The following PTPRR variants were observed in gnomAD, a reference collection of about 807,000 sequenced individuals.
PTPRR encodes protein tyrosine phosphatase receptor type R.
Under a neutral mutation model 77.2 loss-of-function variants are expected in PTPRR, and 38 were observed. The ratio of observed to expected loss-of-function variants is 0.49; its 90% CI spans 0.38 to 0.65. The LOEUF (loss-of-function observed/expected upper bound fraction) is 0.65. Among genes scored for constraint, PTPRR ranks in the 30% least tolerant of loss-of-function variants. PTPRR has a pLI of 0.00. For synonymous variants in PTPRR, 299 were observed against 283.1 expected, an observed-to-expected ratio of 1.06 and a Z score of -0.57; for missense variants, 744 against 799.2, an observed-to-expected ratio of 0.93 and a Z score of 0.83.
At chr12:70,878,388 T>C (rs1419713799) in intron 2 of PTPRR, among the ~76,000 whole-genome samples, 1 of 151,786 alleles carries the variant, frequency 6.6e-6, no homozygotes, top group Admixed American at 6.6e-5. Context: ...TACAATGAAC[T>C]CAAACAAATT....
intron 2 of PTPRR, among the ~76,000 whole-genome samples, chr12:70,784,914 C>T (rs1395899715): frequency 1.3e-5 from 2 of 152,190 alleles, no homozygotes; most frequent in African/African-American, 2.4e-5. Context: ...TTACACTTGT[C>T]AAGGAGCTTT....
intron 2 of PTPRR, among the ~76,000 whole-genome samples, chr12:70,815,193 A>C (rs1351011916): frequency 1.3e-5 from 2 of 151,940 alleles, no homozygotes; most frequent in African/African-American, 4.8e-5. Flanking sequence ...TCTAGAATAA[A>C]AAATGCAGGG....
chr12:70,788,332 C>G (rs11178421), intron 2 of PTPRR, among the ~76,000 whole-genome samples: 9,497 of 152,246 alleles, frequency 0.062, 368 homozygotes, highest in Non-Finnish European at 0.084. Context: ...CACACAAACA[C>G]AGGGTATCCG....
intron 8 of PTPRR, among the ~76,000 whole-genome samples, chr12:70,691,390 C>A (rs1472751113): frequency 6.6e-6 from 1 of 152,098 alleles, no homozygotes. Context: ...GGCCTCTTTC[C>A]AATCTCCTGC....
At chr12:70,888,010 ATGTGTGTATG>A (rs1383548112) in intron 2 of PTPRR, among the ~76,000 whole-genome samples, 1 of 49,982 alleles carries the variant, frequency 2.0e-5, no homozygotes, top group Non-Finnish European at 3.7e-5. Flanking sequence ...GCAGTCGTGA[ATGTGTGTATG>A]TGTGTGTGTG....
intron 2 of PTPRR, among the ~76,000 whole-genome samples, chr12:70,848,225 CT>C (rs1392473860): frequency 6.6e-6 from 1 of 152,168 alleles, no homozygotes; most frequent in African/African-American, 2.4e-5. Flanking sequence ...CGTACTAGCA[CT>C]GAATAATCTC....
intron 2 of PTPRR, among the ~76,000 whole-genome samples, chr12:70,852,410 A>G (rs1408392976): frequency 1.3e-5 from 2 of 152,232 alleles, no homozygotes; most frequent in African/African-American, 2.4e-5. Flanking sequence ...TACAAATGGC[A>G]TAGTTAACTG....
chr12:70,910,943 C>T (rs1893690249), intron 1 of PTPRR, among the ~76,000 whole-genome samples: 1 of 152,138 alleles, frequency 6.6e-6, no homozygotes, highest in African/African-American at 2.4e-5. Flanking sequence ...TCTGAGTTTT[C>T]TTGTGAACTA....
intron 13 of PTPRR, among the ~76,000 whole-genome samples, chr12:70,640,664 G>C (rs1026485776): frequency 6.6e-6 from 1 of 152,102 alleles, no homozygotes; most frequent in Non-Finnish European, 1.5e-5. Flanking sequence ...GTGGTTGTTA[G>C]TATCATTCAA....
At chr12:70,802,443 A>C (rs1342926813) in intron 2 of PTPRR, among the ~76,000 whole-genome samples, 4 of 152,228 alleles carry the variant, frequency 2.6e-5, no homozygotes, top group Admixed American at 1.3e-4. Context: ...GGCACAAGAT[A>C]CAACCATTAA....
In PTPRR at chr12:70,751,862, T is replaced by A. The variant is rs921861916; in HGVS notation, c.738+2329A>T. Among the ~76,000 whole-genome samples, 3 of 152,152 alleles carry A rather than the reference T, an allele frequency of 2.0e-5. No homozygotes were observed. In the South Asian group the frequency reaches 6.2e-4, roughly 32 times the overall value. ...ATTGATGTATTATTATTAAAGTCCA[T>A]AGTGTAGATAGTGTAGATTAGAGCT... On this transcript the variant is annotated intron_variant, in intron 5 of 13. Coordinates refer to ENST00000283228, the MANE Select transcript of PTPRR (RefSeq NM_002849.4).
chr12:70,662,057 C>T (rs1886817417), intron 11 of PTPRR, among the ~76,000 whole-genome samples: 5 of 152,128 alleles, frequency 3.3e-5, no homozygotes, highest in Admixed American at 2.0e-4. Flanking sequence ...CTGAAGATCT[C>T]ATCAACACTT....
At chr12:70,754,812 C>CA in intron 4 of PTPRR, 1 of 1,058,624 alleles carries the variant, frequency 9.4e-7, no homozygotes, top group Non-Finnish European at 1.3e-6. Context: ...TTAATCACAT[C>CA]TTTTTTTTTT....
At chr12:70,664,596 G>T (rs368752312) in intron 10 of PTPRR, 15 of 152,248 alleles carry the variant, frequency 9.9e-5, no homozygotes, top group Admixed American at 7.9e-4. Context: ...TGCAAAGCAG[G>T]AGCTTGCCGC....
chr12:70,754,378 A>G, intron 4 of PTPRR, 77 bp from the exon 5 acceptor site: 1 of 1,592,244 alleles, frequency 6.3e-7, no homozygotes, highest in Non-Finnish European at 8.5e-7. Flanking sequence ...CACTAAACAT[A>G]TTTTTAGCCT....
chr12:70,904,451 A>C (rs1405018815), intron 1 of PTPRR, among the ~76,000 whole-genome samples: 2 of 151,926 alleles, frequency 1.3e-5, no homozygotes, highest in Non-Finnish European at 2.9e-5. Context: ...GCCAGTCTCA[A>C]AAAGTCACTG....
chr12:70,794,330 C>G (rs1891472339), intron 2 of PTPRR, among the ~76,000 whole-genome samples: 1 of 152,264 alleles, frequency 6.6e-6, no homozygotes, highest in African/African-American at 2.4e-5. Context: ...ACCAGAAGGC[C>G]TATGAGCTAG....
At chr12:70,772,807 A>G (rs1305469848) in intron 2 of PTPRR, among the ~76,000 whole-genome samples, 2 of 152,234 alleles carry the variant, frequency 1.3e-5, no homozygotes, top group Non-Finnish European at 2.9e-5. Flanking sequence ...ATGTTGGAGT[A>G]TATAGAAAGC....
chr12:70,643,843 C>G lies in PTPRR; in HGVS notation c.1881-4566G>C, dbSNP rs192200465. On this transcript the variant is annotated intron_variant, in intron 13 of 13. Coordinates refer to ENST00000283228, the MANE Select transcript of PTPRR (RefSeq NM_002849.4). ...TGGCTGGATCGTGGCTCACTGCAGC[C>G]TCAACCTCCCAGGTCAACTGATCTC... is the stretch of plus-strand genomic sequence containing the variant. 2.0e-5 allele frequency among the ~76,000 whole-genome samples: 3 copies of G among 152,158 alleles called. No homozygotes were observed. The South Asian group carries it at 6.2e-4, about 32-fold the overall frequency.
Sources: allele counts gnomAD v4.1 joint callset (sites outside exome capture counted in the v4.1 genomes callset), GRCh38; gene constraint gnomAD v4.1.1; transcripts MANE v1.5; gene names NCBI Gene and HGNC (gene_info 2026-07-23, HGNC 2026-07-21).